Variants in PPIL2 observed in about 807,000 individuals in gnomAD.
The protein encoded by PPIL2 is peptidylprolyl isomerase like 2.
A neutral mutation model predicts 75.2 loss-of-function variants in PPIL2; 50 were observed. The observed-to-expected ratio is 0.66, with a 90% CI of 0.53 to 0.84. PPIL2 has a LOEUF of 0.84. Ranked by LOEUF, PPIL2 falls within the 40% of genes least tolerant of loss-of-function variation. The probability of loss-of-function intolerance (pLI) is 0.00; values close to 1 mark genes in which losing one functional copy is unlikely to be tolerated. For missense variants in PPIL2, 590 were observed against 685.0 expected, an observed-to-expected ratio of 0.86 and a Z score of 1.55; for synonymous variants, 245 against 258.8, an observed-to-expected ratio of 0.95 and a Z score of 0.51.
intron 16 of PPIL2, 79 bp downstream of exon 16, chr22:21,693,951 C>T (rs769258085): frequency 2.1e-6 from 3 of 1,428,236 alleles, no homozygotes; most frequent in Non-Finnish European, 3.0e-6. Flanking sequence ...CTCCTCACTG[C>T]CTTTTTCGTG....
At chr22:21,679,944 C>T (rs560165792) in intron 6 of PPIL2, among the ~76,000 whole-genome samples, 38 of 152,048 alleles carry the variant, frequency 2.5e-4, no homozygotes, top group African/African-American at 8.2e-4. Context: ...AAAAAATTAG[C>T]CGGGCATGGT....
chr22:21,674,929 TG>T, intron 5 of PPIL2, 134 bp from the exon 6 acceptor site: 2 of 765,010 alleles, frequency 2.6e-6, no homozygotes, highest in Non-Finnish European at 2.1e-6. Context: ...TGCAGGGTCT[TG>T]GGGCCTTCCC....
At chr22:21,687,416 G>T (rs1396020054) in intron 12 of PPIL2, among the ~76,000 whole-genome samples, 8 of 152,162 alleles carry the variant, frequency 5.3e-5, no homozygotes, top group Admixed American at 5.2e-4. Flanking sequence ...AGCCAGGCAT[G>T]GTGGCGCATG....
chr22:21,677,417 G>A (rs1020975505), intron 6 of PPIL2, among the ~76,000 whole-genome samples: 3 of 152,254 alleles, frequency 2.0e-5, no homozygotes, highest in Non-Finnish European at 2.9e-5. Context: ...ATTGAGCACT[G>A]AGTGAACGAG....
At chr22:21,686,407 T>C in intron 10 of PPIL2, 76 bp from the exon 11 acceptor site, 2 of 1,438,164 alleles carry the variant, frequency 1.4e-6, no homozygotes, top group South Asian at 2.3e-5. Context: ...TGTGGTTGGC[T>C]TCTAGGCAAG....
At chr22:21,671,302 C>A (rs1411904757) in intron 4 of PPIL2, among the ~76,000 whole-genome samples, 1 of 152,204 alleles carries the variant, frequency 6.6e-6, no homozygotes, top group African/African-American at 2.4e-5. Flanking sequence ...GCATGAGCCA[C>A]TGCACCTGGC....
At chr22:21,694,880 C>G in intron 18 of PPIL2, 57 bp from the exon 19 acceptor site, 2 of 1,595,536 alleles carry the variant, frequency 1.3e-6, no homozygotes, top group African/African-American at 1.3e-5. Flanking sequence ...CACCCCAAGC[C>G]TAGCATCTGT....
At chr22:21,682,729 A>G (rs973698063) in intron 8 of PPIL2, among the ~76,000 whole-genome samples, 1 of 152,266 alleles carries the variant, frequency 6.6e-6, no homozygotes, top group Admixed American at 6.5e-5. Flanking sequence ...AAGACCCTGT[A>G]TCTGGCACAG....
Position 21,696,753 on chromosome 22 carries a change from G to C in PPIL2, c.*1263G>C. 1 of 1,541,840 alleles carries C rather than the reference G, an allele frequency of 6.5e-7. No homozygotes were observed. Among genetic ancestry groups the C allele is most frequent in the Non-Finnish European group, 8.7e-7 (1 of 1,146,852 alleles). ...CAAATCTTGAACCTGTCAGCAACTT[G>C]CAGGCTGTACCTCTGCCCTTCCTTT... On this transcript the variant is annotated 3_prime_UTR_variant, in exon 20 of 20. Coordinates refer to ENST00000398831, the MANE Select transcript of PPIL2 (RefSeq NM_014337.4).
chr22:21,690,338 C>T (rs866092032), intron 15 of PPIL2, among the ~76,000 whole-genome samples: 3 of 151,324 alleles, frequency 2.0e-5, no homozygotes, highest in Non-Finnish European at 2.9e-5. Context: ...GAGCTAGGAT[C>T]GCGCCACTGC....
intron 8 of PPIL2, 82 bp from the exon 9 acceptor site, chr22:21,683,100 A>G (rs1012643160): frequency 4.0e-5 from 49 of 1,210,652 alleles, no homozygotes; most frequent in Non-Finnish European, 5.3e-5. Context: ...CACCTCTGAC[A>G]GCTGGCCGTC....
chr22:21,684,518 A>T (rs2067271222), intron 9 of PPIL2, among the ~76,000 whole-genome samples: 1 of 151,780 alleles, frequency 6.6e-6, no homozygotes. Context: ...ATTAGAATAT[A>T]CAGATAAATA....
Position 21,688,726 on chromosome 22 carries a change from T to A in PPIL2, c.1022-6T>A. The A allele has an allele frequency of 6.2e-7, 1 of 1,613,860 alleles. No individual in the cohort carries two copies. Among genetic ancestry groups the A allele is most frequent in the Non-Finnish European group, 8.5e-7 (1 of 1,179,756 alleles). Reference sequence around the variant, plus strand: ...TTTCCTGCTCCCATGGGCCTTTCTCTTCCAGGTGGGGAGTCATACTGGGGG... The same window carrying A: ...TTTCCTGCTCCCATGGGCCTTTCTCATCCAGGTGGGGAGTCATACTGGGGG... On this transcript the variant is annotated splice_polypyrimidine_tract_variant and splice_region_variant and intron_variant, in intron 14 of 19. Transcript: ENST00000398831.
At chr22:21,687,794 G>T (rs2067438163) in intron 13 of PPIL2, 62 bp downstream of exon 13, 15 of 1,484,978 alleles carry the variant, frequency 1.0e-5, no homozygotes, top group Non-Finnish European at 1.4e-5. Flanking sequence ...GGCTGGGTGG[G>T]CTTGTCCCTG....
chr22:21,674,570 G>T (rs186569857), intron 5 of PPIL2, among the ~76,000 whole-genome samples: 1 of 151,892 alleles, frequency 6.6e-6, no homozygotes, highest in Non-Finnish European at 1.5e-5. Context: ...GTGTGGTGGC[G>T]TGTGTCTGTA....
In PPIL2 at chr22:21,681,348, C is replaced by T. The variant is rs993282266; in HGVS notation, c.345C>T (p.His115=). 2 of 1,614,236 alleles carry T rather than the reference C, an allele frequency of 1.2e-6. No individual in the cohort carries two copies. The highest frequency in any genetic ancestry group is 1.1e-5 in the South Asian group (1 of 91,090). The part of the protein sequence containing the change: ...VLFTVFTNNT[H]IVAVRTTGNV... ...TTACCGTGTTCACCAACAACACCCA[C>T]ATCGTGGCTGTGAGGACGACCGGCA... Residue 115 remains histidine (H), a synonymous_variant, in exon 7 of 20, where the codon CAC becomes CAT. Transcript: ENST00000398831.
Position 21,670,615 on chromosome 22 carries a change from A to G in PPIL2, c.128+4A>G, listed in dbSNP as rs746822361. 1.1e-5 allele frequency: 17 copies of G among 1,608,338 alleles called. No homozygotes were observed. The East Asian group carries it at 2.9e-4, about 27-fold the overall frequency. On this transcript the variant is annotated splice_donor_region_variant and intron_variant, in intron 3 of 19. Transcript: ENST00000398831. Reference sequence around the variant, plus strand: ...GTTTACCTTTTGACCACTGCAGGTAAGAGTTTTGCGAGTTTACCTTTCCCT... The same window carrying G: ...GTTTACCTTTTGACCACTGCAGGTAGGAGTTTTGCGAGTTTACCTTTCCCT...
chr22:21,677,900 G>A (rs190202607), intron 6 of PPIL2, among the ~76,000 whole-genome samples: 1 of 152,324 alleles, frequency 6.6e-6, no homozygotes, highest in African/African-American at 2.4e-5. Context: ...GCCCTGACCC[G>A]CTGCAGGGAG....
intron 12 of PPIL2, 46 bp from the exon 13 acceptor site, chr22:21,687,597 C>T (rs972514756): frequency 2.5e-6 from 3 of 1,224,042 alleles, no homozygotes; most frequent in East Asian, 2.6e-5. Flanking sequence ...GGTGAGCTGC[C>T]TTTGGCAGCT....
Sources: allele counts gnomAD v4.1 joint callset (sites outside exome capture counted in the v4.1 genomes callset), GRCh38; gene constraint gnomAD v4.1.1; transcripts MANE v1.5; gene names NCBI Gene and HGNC (gene_info 2026-07-23, HGNC 2026-07-21).